Variants in ANKRD30A observed in about 807,000 individuals in gnomAD.
ANKRD30A encodes the protein ankyrin repeat domain 30A.
Under a neutral mutation model 166.3 loss-of-function variants are expected in ANKRD30A, and 170 were observed. That is an observed-to-expected ratio of 1.02 (90% confidence interval 0.90 to 1.16). ANKRD30A has a LOEUF of 1.16. Among genes scored for constraint, ANKRD30A ranks in the 50% most tolerant of loss-of-function variants. ANKRD30A has a pLI of 0.00. For synonymous variants in ANKRD30A, 564 were observed against 508.9 expected, an observed-to-expected ratio of 1.11 and a Z score of -1.46; for missense variants, 1,630 against 1,518.0, an observed-to-expected ratio of 1.07 and a Z score of -1.23.
chr10:37,127,845 G>T lies in ANKRD30A; in HGVS notation c.221+1837G>T, dbSNP rs1588735183. ...AGATGACTTTTCAAATAGACAATTT[G>T]ATGGTAAGTACCATATTTAAAAAAT... On this transcript the variant is annotated intron_variant, in intron 1 of 35. Coordinates refer to ENST00000361713, the MANE Select transcript of ANKRD30A (RefSeq NM_052997.3). Among the ~76,000 whole-genome samples the T allele has an allele frequency of 7.9e-5, 12 of 152,200 alleles. No homozygotes were observed. In the South Asian group the frequency reaches 2.5e-3, roughly 32 times the overall value.
Position 37,142,085 on chromosome 10 carries a change from G to C in ANKRD30A, c.1188G>C (p.Met396Ile). 1 of 1,613,854 alleles carries C rather than the reference G, an allele frequency of 6.2e-7. No homozygotes were observed. The highest frequency in any genetic ancestry group is 8.5e-7 in the Non-Finnish European group (1 of 1,179,952). Residue 396 changes from methionine (M) to isoleucine (I), a missense_variant, in exon 7 of 36, where the codon ATG (methionine) becomes ATC (isoleucine). Physicochemically the swap from Met to Ile is conservative, Grantham distance 10. This residue lies in a region of ANKRD30A where 904 missense variants were observed against 818.5 expected (regional missense o/e 1.10). Transcript: ENST00000361713. ...EKKEDTPREIMSPAKETSEKF... is the reference protein window; with the variant it reads ...EKKEDTPREIISPAKETSEKF... ...AAGAAGACACACCTAGGGAAATTAT[G>C]AGTCCCGCAAAAGAAACATCTGAGA... is the stretch of plus-strand genomic sequence containing the variant.
At chr10:37,242,270 T>A in the ANKRD30A span, among the ~76,000 whole-genome samples, 1 of 152,198 alleles carries the variant, frequency 6.6e-6, no homozygotes, top group Non-Finnish European at 1.5e-5. Flanking sequence ...TCATACTTTT[T>A]GAACATGGCT....
At chr10:37,231,747 T>C (rs563716498) in intron 35 of ANKRD30A, 67 bp downstream of exon 35, 26 of 246,728 alleles carry the variant, frequency 1.1e-4, no homozygotes, top group African/African-American at 4.2e-4. Flanking sequence ...TTTAAGTAGG[T>C]GAAATACTGA....
the ANKRD30A span, among the ~76,000 whole-genome samples, chr10:37,251,783 C>T: frequency 6.6e-6 from 1 of 152,274 alleles, no homozygotes; most frequent in African/African-American, 2.4e-5. Flanking sequence ...TGCTTATTTT[C>T]ATGTGATTTT....
At chr10:37,151,201 A>C (rs1837909643) in intron 11 of ANKRD30A, among the ~76,000 whole-genome samples, 1 of 152,162 alleles carries the variant, frequency 6.6e-6, no homozygotes, top group Admixed American at 6.6e-5. Flanking sequence ...ACCTGATTCA[A>C]ATAGTTGTAA....
rs756425640 is a variant in ANKRD30A, at chr10:37,158,512, A to G, written c.1828-2A>G. The stretch of plus-strand genomic sequence containing the variant: ...AATTGTTTTGTTTCCAAACCCATTT[A>G]GGCTACCTGCGGAATGAAAGTTTCT... On this transcript the variant is annotated splice_acceptor_variant, in intron 14 of 35. Transcript: ENST00000361713. LOFTEE classifies it high-confidence loss of function. The G allele has an allele frequency of 6.2e-7, 1 of 1,613,598 alleles. No homozygotes were observed. Among genetic ancestry groups the G allele is most frequent in the Non-Finnish European group, 8.5e-7 (1 of 1,179,734 alleles).
At chr10:37,193,408 G>T (rs1840768595) in intron 27 of ANKRD30A, 150 bp downstream of exon 27, 11 of 1,231,262 alleles carry the variant, frequency 8.9e-6, no homozygotes, top group Non-Finnish European at 1.2e-5. Context: ...ATTTCTGTTT[G>T]AGAAAATGCC....
At chr10:37,166,111 T>C (rs1301832875) in intron 18 of ANKRD30A, among the ~76,000 whole-genome samples, 1 of 152,170 alleles carries the variant, frequency 6.6e-6, no homozygotes, top group African/African-American at 2.4e-5. Flanking sequence ...TTTCAAATTC[T>C]GTACATACAT....
chr10:37,162,873 A>G (rs1476952969), intron 17 of ANKRD30A, 25 bp downstream of exon 17: 8 of 1,606,130 alleles, frequency 5.0e-6, no homozygotes, highest in South Asian at 2.2e-5. Context: ...GTAACTATGG[A>G]AAGACCAATA....
intron 31 of ANKRD30A, among the ~76,000 whole-genome samples, chr10:37,202,564 C>T (rs1472935555): frequency 6.6e-6 from 1 of 152,064 alleles, no homozygotes; most frequent in African/African-American, 2.4e-5. Flanking sequence ...ACACTAACAT[C>T]ACAATTAAAA....
intron 6 of ANKRD30A, 133 bp downstream of exon 6, chr10:37,136,804 G>GGT (rs1300358019): frequency 1.1e-5 from 4 of 361,390 alleles, no homozygotes; most frequent in African/African-American, 7.9e-5. Context: ...TGTGGGTGTG[G>GGT]GTGTGTGTAT....
rs557786344 is a variant in ANKRD30A, at chr10:37,153,620, A to G, written c.1756A>G (p.Thr586Ala). Residue 586 changes from threonine (T) to alanine (A), a missense_variant, in exon 13 of 36, where the codon ACA (threonine) becomes GCA (alanine). By Grantham distance (58) the Thr-to-Ala change is moderately conservative (BLOSUM62 0). Coordinates refer to ENST00000361713, the MANE Select transcript of ANKRD30A (RefSeq NM_052997.3). ...SQKDVCLPKATHQKEIDKING... is the reference protein window; with the variant it reads ...SQKDVCLPKAAHQKEIDKING... ...GAAGGATGTGTGTTTACCCAAGGCT[A>G]CACATCAAAAAGAAATAGATAAAAT... is the stretch of plus-strand genomic sequence containing the variant. 28 of 1,611,972 alleles carry G rather than the reference A, an allele frequency of 1.7e-5. No individual in the cohort carries two copies. Among genetic ancestry groups the G allele is most frequent in the East Asian group, 1.6e-4 (7 of 44,804 alleles).
rs756194948 is a variant in ANKRD30A at position 37,219,647 on chromosome 10, A to C, written c.3935A>C (p.His1312Pro). ...YQNEQDNVNK[H>P]TEQQESLDQK... is the part of the protein sequence containing the mutation. ...AACGAACAAGATAATGTGAACAAAC[A>C]CACTGAACAGCAGGAGTCTCTAGAT... Residue 1312 changes from histidine to proline, a missense_variant, in exon 34 of 36, where the codon CAC becomes CCC. Transcript: ENST00000361713. The C allele has an allele frequency of 6.2e-7, 1 of 1,610,074 alleles. No homozygotes were observed. The highest frequency in any genetic ancestry group is 8.5e-7 in the Non-Finnish European group (1 of 1,177,536).
chr10:37,248,850 A>G, the ANKRD30A span, among the ~76,000 whole-genome samples: 3 of 152,140 alleles, frequency 2.0e-5, no homozygotes, highest in African/African-American at 7.2e-5. Flanking sequence ...TGCCTTTCAC[A>G]GCTGGAAGTG....
chr10:37,138,576 G>A (rs1168051345), intron 6 of ANKRD30A, among the ~76,000 whole-genome samples: 3 of 152,164 alleles, frequency 2.0e-5, no homozygotes, highest in Admixed American at 6.5e-5. Context: ...ACTATGTGAC[G>A]AATGCACAAG....
At chr10:37,190,105 G>C (rs1840409178) in intron 25 of ANKRD30A, among the ~76,000 whole-genome samples, 2 of 151,904 alleles carry the variant, frequency 1.3e-5, no homozygotes, top group Non-Finnish European at 1.5e-5. Flanking sequence ...ATTTGCAATA[G>C]GTGAGAATAA....
chr10:37,152,202 T>A, intron 12 of ANKRD30A, 81 bp downstream of exon 12: 1 of 1,197,308 alleles, frequency 8.4e-7, no homozygotes, highest in Non-Finnish European at 1.2e-6. Flanking sequence ...GGCTTTATTT[T>A]CTCGCCTCTT....
At chr10:37,236,489 CAA>C (rs1843681394), downstream of ANKRD30A, among the ~76,000 whole-genome samples, 2 of 152,302 alleles carry the variant, frequency 1.3e-5, no homozygotes, top group Non-Finnish European at 1.5e-5. Flanking sequence ...CACATGTTTG[CAA>C]AGAGACTCAG....
At position 37,190,421 on chromosome 10, in the gene ANKRD30A, T is replaced by A. The variant is rs557868298; in HGVS notation, c.2512+864T>A. Among the ~76,000 whole-genome samples the A allele has an allele frequency of 6.6e-5, 10 of 151,796 alleles. No individual in the cohort carries two copies. In the South Asian group the frequency reaches 1.9e-3, roughly 29 times the overall value. ...ATCATGGTGCTCTTAATTTTGAGGATGTTTTTAGTCAGGGGAGAAGAAGAA... is the reference window on the plus strand; with the variant it reads ...ATCATGGTGCTCTTAATTTTGAGGAAGTTTTTAGTCAGGGGAGAAGAAGAA... On this transcript the variant is annotated intron_variant, in intron 25 of 35. Transcript: ENST00000361713.
Sources: gnomAD v4.1 joint callset for allele counts (sites outside exome capture counted in the v4.1 genomes callset) on GRCh38, gnomAD v4.1.1 for gene constraint, gnomAD v4.1.1 regional missense constraint, MANE v1.5 for transcripts, NCBI Gene and HGNC (gene_info 2026-07-23, HGNC 2026-07-21) for gene names.